PHOX2B: variants seen among roughly 807,000 people sequenced by gnomAD.
PHOX2B encodes paired like homeobox 2B.
In PHOX2B, 1 loss-of-function variant was observed where a neutral mutation model predicts 15.5. The observed-to-expected ratio is 0.06, with a 90% CI of 0.02 to 0.31. PHOX2B has a LOEUF of 0.31. PHOX2B is among the 10% of genes least tolerant of loss of function. PHOX2B has a pLI of 1.00. For missense variants in PHOX2B, 314 were observed against 436.4 expected, an observed-to-expected ratio of 0.72 and a Z score of 2.50; for synonymous variants, 206 against 190.5, an observed-to-expected ratio of 1.08 and a Z score of -0.67.
At position 41,747,373 on chromosome 4, in the gene PHOX2B, G is replaced by C; in HGVS notation, c.405C>G (p.Ile135Met). The change falls in exon 2 of 3, where the codon ATC becomes ATG. Residue 135 changes from isoleucine to methionine, a missense_variant. Physicochemically the swap from Ile to Met is conservative, Grantham distance 10. Around this residue, in one of 7 missense-constraint regions of PHOX2B, gnomAD observed 9 missense variants for 22.0 expected, o/e 0.41. Coordinates refer to ENST00000226382, the MANE Select transcript of PHOX2B (RefSeq NM_003924.4). ...IYTREELALKIDLTEARVQVW... is the reference protein window; with the variant it reads ...IYTREELALKMDLTEARVQVW... ...CCTGGACTCGCGCCTCTGTGAGGTCGATCTTCAGGGCCAGCTCCTCCCGAG... is the reference window on the plus strand; with the variant it reads ...CCTGGACTCGCGCCTCTGTGAGGTCCATCTTCAGGGCCAGCTCCTCCCGAG... 1 of 1,608,350 alleles carries C rather than the reference G, an allele frequency of 6.2e-7. No homozygotes were observed. The highest frequency in any genetic ancestry group is 8.5e-7 in the Non-Finnish European group (1 of 1,179,912).
At chr4:41,748,220 A>G (rs901296059) in intron 1 of PHOX2B, 150 bp downstream of exon 1, 6 of 839,140 alleles carry the variant, frequency 7.2e-6, no homozygotes, top group South Asian at 1.7e-5. Flanking sequence ...CCTCCCTGCA[A>G]TCGCTTCTAA....
Position 41,746,334 on chromosome 4 carries a change from C to T in PHOX2B, c.430-12G>A, listed in dbSNP as rs1289243501. The T allele has an allele frequency of 1.2e-6, 2 of 1,613,372 alleles. No homozygotes were observed. Among genetic ancestry groups the T allele is most frequent in the Middle Eastern group, 1.7e-4 (1 of 6,020 alleles). On this transcript the variant is annotated splice_polypyrimidine_tract_variant and intron_variant, in intron 2 of 2. Transcript: ENST00000226382. ...TTCTGGAACCACACCTGGCCCAAGA[C>T]GGAAGGAGAGACGGTGAAGCAGGGG...
chr4:41,745,634 T>C lies in PHOX2B; in HGVS notation c.*173A>G. On this transcript the variant is annotated 3_prime_UTR_variant, in exon 3 of 3. Transcript: ENST00000226382. This position sits in a 1 kb window ranked among gnomAD's most constrained non-coding sequence, Gnocchi z 4.0. Reference sequence around the variant, plus strand: ...GAAGGGGGTAGGAGTGGGGTTGAAATGAGGGCGACGCCGTTTTCCCTTTAT... The same window carrying C: ...GAAGGGGGTAGGAGTGGGGTTGAAACGAGGGCGACGCCGTTTTCCCTTTAT... 1 of 772,178 alleles carries C rather than the reference T, an allele frequency of 1.3e-6. No individual in the cohort carries two copies. Among genetic ancestry groups the C allele is most frequent in the Non-Finnish European group, 1.9e-6 (1 of 513,928 alleles). 47.8% of individuals were successfully genotyped at this position (772,178 alleles called of 1,614,324 possible).
rs1242557565 is a variant in PHOX2B at position 41,745,161 on chromosome 4, A to T, written c.*646T>A. On this transcript the variant is annotated 3_prime_UTR_variant, in exon 3 of 3. Coordinates refer to ENST00000226382, the MANE Select transcript of PHOX2B (RefSeq NM_003924.4). This position sits in a 1 kb window ranked among gnomAD's most constrained non-coding sequence, Gnocchi z 4.0. ...CTTCCCTGAAGAAGAGCCCCAAGAG[A>T]ATCCGTGCTGTTAGGAGGGAGCGGA... The T allele has an allele frequency of 4.3e-6, 1 of 232,908 alleles. No homozygotes were observed. Among genetic ancestry groups the T allele is most frequent in the Non-Finnish European group, 8.5e-6 (1 of 118,008 alleles). The allele number at this position is 232,908 out of a possible 1,614,324, so 14.4% of individuals were successfully genotyped here.
At position 41,748,433 on chromosome 4, in the gene PHOX2B, G is replaced by A. The variant is rs2153113052; in HGVS notation, c.178C>T (p.Leu60Phe). 1 of 1,614,142 alleles carries A rather than the reference G, an allele frequency of 6.2e-7. No individual in the cohort carries two copies. The highest frequency in any genetic ancestry group is 8.5e-7 in the Non-Finnish European group (1 of 1,179,982). Residue 60 changes from leucine to phenylalanine, a missense_variant, in exon 1 of 3, where the codon CTC becomes TTC. Coordinates refer to ENST00000226382, the MANE Select transcript of PHOX2B (RefSeq NM_003924.4). ...CCCAGGCTGCAGGATCCCGGCGTGA[G>A]GGAAGGGCAGCCGGACGTGGCCCCA... Reference protein sequence around the residue: ...TFGATSGCPSLTPGSCSLGTL... With the variant: ...TFGATSGCPSFTPGSCSLGTL...
chr4:41,748,333 G>C, intron 1 of PHOX2B, 37 bp downstream of exon 1: 1 of 1,611,740 alleles, frequency 6.2e-7, no homozygotes, highest in Non-Finnish European at 8.5e-7. Flanking sequence ...CGGGCGGAAA[G>C]GCGGCTTCCT....
chr4:41,745,635 G>T lies in PHOX2B; in HGVS notation c.*172C>A. 1.3e-6 allele frequency: 1 copy of T among 773,762 alleles called. No homozygotes were observed. The highest frequency in any genetic ancestry group is 1.9e-6 in the Non-Finnish European group (1 of 515,140). 47.9% of individuals were successfully genotyped at this position (773,762 alleles called of 1,614,324 possible). ...AAGGGGGTAGGAGTGGGGTTGAAAT[G>T]AGGGCGACGCCGTTTTCCCTTTATT... On this transcript the variant is annotated 3_prime_UTR_variant, in exon 3 of 3. Coordinates refer to ENST00000226382, the MANE Select transcript of PHOX2B (RefSeq NM_003924.4). This position sits in a 1 kb window ranked among gnomAD's most constrained non-coding sequence, Gnocchi z 4.0.
At position 41,744,760 on chromosome 4, in the gene PHOX2B, T is replaced by C; in HGVS notation, c.*1047A>G. 2 of 233,550 alleles carry C rather than the reference T, an allele frequency of 8.6e-6. No individual in the cohort carries two copies. The highest frequency in any genetic ancestry group is 1.7e-5 in the Non-Finnish European group (2 of 118,018). The allele number at this position is 233,550 out of a possible 1,614,324, so 14.5% of individuals were successfully genotyped here. Reference sequence around the variant, plus strand: ...TGCAGCCAGTTACGTGGACTGCAATTGACCCCAATCCAAAGCAGTGCCAAA... The same window carrying C: ...TGCAGCCAGTTACGTGGACTGCAATCGACCCCAATCCAAAGCAGTGCCAAA... On this transcript the variant is annotated 3_prime_UTR_variant, in exon 3 of 3. Transcript: ENST00000226382.
rs751450012 is a variant in PHOX2B, at chr4:41,747,325, G to A, written c.429+24C>T. ...CTCCCCGGACCAGTGCGGCGGAGCG[G>A]GGTCGGTTTCCAGGCGCGCGTACCT... On this transcript the variant is annotated intron_variant, in intron 2 of 2. Transcript: ENST00000226382. The A allele has an allele frequency of 2.5e-6, 4 of 1,592,130 alleles. No homozygotes were observed. The South Asian group carries it at 4.4e-5, about 18-fold the overall frequency.
rs1276685806 is a variant in PHOX2B at position 41,746,007 on chromosome 4, C to A, written c.745G>T (p.Ala249Ser). ...GCTGCCGCTGCCGCCGCCGCCGCTG[C>A]CGCGGCCGCCGCCGCTGCTGCTGCG... Reference protein sequence around the residue: ...GGAAAAAAAAAAAAAAAAAAA... With the variant: ...GGAAAAAAAASAAAAAAAAAA... Residue 249 changes from alanine to serine, a missense_variant, in exon 3 of 3, where the codon GCA (alanine) becomes TCA (serine). Around this residue, in one of 7 missense-constraint regions of PHOX2B, gnomAD observed 157 missense variants for 169.0 expected, o/e 0.93. Coordinates refer to ENST00000226382, the MANE Select transcript of PHOX2B (RefSeq NM_003924.4). 1.8e-6 allele frequency: 2 copies of A among 1,129,774 alleles called. No individual in the cohort carries two copies. The highest frequency in any genetic ancestry group is 2.2e-6 in the Non-Finnish European group (2 of 922,712). The allele number at this position is 1,129,774 out of a possible 1,614,324, so 70.0% of individuals were successfully genotyped here.
chr4:41,746,101 C>CCCG lies in PHOX2B; in HGVS notation c.648_650dup (p.Gly217dup), dbSNP rs760638643. The CCCG allele has an allele frequency of 1.9e-6, 3 of 1,568,090 alleles. No individual in the cohort carries two copies. The highest frequency in any genetic ancestry group is 2.6e-6 in the Non-Finnish European group (3 of 1,164,246). ...CCCCCGGAGCTCCAGCCGGGCTGGG[C>CCCG]CCGCCGCCGCCGCCTCCATTCGCCC... On this transcript the variant is annotated inframe_insertion, in exon 3 of 3. Coordinates refer to ENST00000226382, the MANE Select transcript of PHOX2B (RefSeq NM_003924.4).
rs748614674 is a variant in PHOX2B at position 41,747,387 on chromosome 4, G to C, written c.391C>G (p.Leu131Val). ...HYPDIYTREE[L>V]ALKIDLTEAR... ...TCTGTGAGGTCGATCTTCAGGGCCA[G>C]CTCCTCCCGAGTGTAGATGTCGGGG... Residue 131 changes from leucine to valine, a missense_variant, in exon 2 of 3, where the codon CTG (leucine) becomes GTG (valine). Leu to Val is a conservative substitution (Grantham distance 32, BLOSUM62 1). Around this residue, in one of 7 missense-constraint regions of PHOX2B, gnomAD observed 9 missense variants for 22.0 expected, o/e 0.41. Transcript: ENST00000226382. The C allele has an allele frequency of 8.7e-6, 14 of 1,609,508 alleles. No individual in the cohort carries two copies. In the Admixed American group the frequency reaches 1.8e-4, roughly 21 times the overall value.
chr4:41,748,256 A>G, intron 1 of PHOX2B, 114 bp downstream of exon 1: 2 of 1,207,402 alleles, frequency 1.7e-6, no homozygotes, highest in Non-Finnish European at 2.4e-6. Context: ...CATTTGTGTA[A>G]GCAAATTTCG....
intron 1 of PHOX2B, 62 bp from the exon 2 acceptor site, chr4:41,747,598 G>T (rs774048289): frequency 1.4e-6 from 2 of 1,429,848 alleles, no homozygotes; most frequent in Non-Finnish European, 2.0e-6. Flanking sequence ...CGGCCGTGGA[G>T]CTAGAATGTG....
chr4:41,744,826 G>C lies in PHOX2B; in HGVS notation c.*981C>G, dbSNP rs1279740998. On this transcript the variant is annotated 3_prime_UTR_variant, in exon 3 of 3. Transcript: ENST00000226382. ...TGGTGGAAGAAGAAAATGCCGACGG[G>C]GTAGGCGGGAGCGAGGGGGAAAAAA... is the stretch of plus-strand genomic sequence containing the variant. 4.3e-6 allele frequency: 1 copy of C among 233,670 alleles called. No homozygotes were observed. The highest frequency in any genetic ancestry group is 2.2e-5 in the African/African-American group (1 of 45,346). The allele number at this position is 233,670 out of a possible 1,614,324, so 14.5% of individuals were successfully genotyped here.
At position 41,746,149 on chromosome 4, in the gene PHOX2B, A is replaced by T. The variant is rs1553897857; in HGVS notation, c.603T>A (p.Asn201Lys). The T allele has an allele frequency of 6.2e-7, 1 of 1,611,022 alleles. No individual in the cohort carries two copies. The highest frequency in any genetic ancestry group is 1.3e-5 in the African/African-American group (1 of 74,922). ...CCCCGCAGCTGGGGGTGGGGTTGGG[A>T]TTGGGACCTGGGCCCCCAGTGCTGT... ...DPDSTGGPGP[N>K]PNPTPSCGAN... Residue 201 changes from asparagine (N) to lysine (K), a missense_variant, in exon 3 of 3, where the codon AAT becomes AAA. Transcript: ENST00000226382.
intron 2 of PHOX2B, 151 bp downstream of exon 2, chr4:41,747,198 G>T: frequency 1.5e-6 from 1 of 669,562 alleles, no homozygotes; most frequent in Non-Finnish European, 2.6e-6. Flanking sequence ...CGAACGCACA[G>T]CCACACCAAA....
At chr4:41,747,897 C>T (rs906212018) in intron 1 of PHOX2B, among the ~76,000 whole-genome samples, 1 of 151,996 alleles carries the variant, frequency 6.6e-6, no homozygotes, top group East Asian at 1.9e-4. Context: ...CCAAACAGTC[C>T]CACTTTGGGA....
chr4:41,746,684 C>A (rs556612060), intron 2 of PHOX2B, among the ~76,000 whole-genome samples: 1 of 151,828 alleles, frequency 6.6e-6, no homozygotes, highest in South Asian at 2.1e-4. Context: ...AGCCTAAGTT[C>A]TAAAGTTAAA....
Sources: gnomAD v4.1 joint callset for allele counts (sites outside exome capture counted in the v4.1 genomes callset) on GRCh38, gnomAD v4.1.1 for gene constraint, gnomAD v4.1.1 regional missense constraint, Gnocchi (gnomAD v3.1) non-coding constraint, MANE v1.5 for transcripts, NCBI Gene and HGNC (gene_info 2026-07-23, HGNC 2026-07-21) for gene names.